Variants in LRRC28 observed in about 807,000 individuals in gnomAD.
LRRC28 encodes leucine rich repeat containing 28, also known as leucine-rich repeat-containing protein 28.
In LRRC28, 39 loss-of-function variants were observed where a neutral mutation model predicts 45.7. The ratio of observed to expected loss-of-function variants is 0.85; its 90% CI spans 0.66 to 1.12. The LOEUF is 1.12. LRRC28 is among the 50% of genes most tolerant of loss of function. The probability of loss-of-function intolerance (pLI) is 0.00; values close to 1 mark genes in which losing one functional copy is unlikely to be tolerated. For missense variants in LRRC28, 435 were observed against 438.5 expected (o/e 0.99, Z 0.07); for synonymous variants, 206 against 178.8 (o/e 1.15, Z -1.22).
At chr15:99,382,560 T>TA (rs1957861576) in intron 9 of LRRC28, among the ~76,000 whole-genome samples, 2 of 152,264 alleles carry the variant, frequency 1.3e-5, no homozygotes, top group Admixed American at 1.3e-4. Context: ...AGCTATCTTT[T>TA]ATTGATTTCT....
intron 9 of LRRC28, among the ~76,000 whole-genome samples, chr15:99,378,660 G>A (rs1957719484): frequency 6.6e-6 from 1 of 152,170 alleles, no homozygotes; most frequent in African/African-American, 2.4e-5. Context: ...CATTCAGTAT[G>A]ATATTGGCTG....
At chr15:99,284,907 T>C in intron 3 of LRRC28, 2 of 591,572 alleles carry the variant, frequency 3.4e-6, no homozygotes, top group East Asian at 3.9e-5. Context: ...AAACCCATCA[T>C]GACTGCTGAA....
chr15:99,265,030 C>T (rs530503858), intron 2 of LRRC28, among the ~76,000 whole-genome samples: 7 of 152,244 alleles, frequency 4.6e-5, no homozygotes, highest in Non-Finnish European at 8.8e-5. Context: ...CCAGGTCAGA[C>T]CATCTGCTTG....
chr15:99,329,935 G>T (rs907385897), intron 5 of LRRC28, among the ~76,000 whole-genome samples: 1 of 152,088 alleles, frequency 6.6e-6, no homozygotes, highest in Non-Finnish European at 1.5e-5. Context: ...ATGCACCTAT[G>T]ATTAATATAT....
intron 2 of LRRC28, among the ~76,000 whole-genome samples, chr15:99,261,072 C>T (rs1245679223): frequency 1.3e-5 from 2 of 152,150 alleles, no homozygotes; most frequent in Non-Finnish European, 2.9e-5. Flanking sequence ...TACTCTTCTC[C>T]CTTTTGCCCC....
At chr15:99,286,267 A>G (rs910085700) in intron 3 of LRRC28, among the ~76,000 whole-genome samples, 15 of 152,150 alleles carry the variant, frequency 9.9e-5, no homozygotes, top group African/African-American at 3.4e-4. Context: ...AGTAGCTGGG[A>G]CTACAGATGC....
chr15:99,352,717 A>G (rs890323400), intron 7 of LRRC28, among the ~76,000 whole-genome samples: 1 of 152,098 alleles, frequency 6.6e-6, no homozygotes, highest in African/African-American at 2.4e-5. Flanking sequence ...ATTTCCCCCC[A>G]CACACCCCAG....
intron 6 of LRRC28, among the ~76,000 whole-genome samples, chr15:99,340,093 G>A (rs991337367): frequency 2.6e-5 from 4 of 152,374 alleles, no homozygotes; most frequent in South Asian, 2.1e-4. Context: ...ATGTTTTAGC[G>A]TGATTCTACC....
chr15:99,318,218 C>T lies in LRRC28; in HGVS notation c.386-15705C>T, dbSNP rs533057390. Among the ~76,000 whole-genome samples the T allele has an allele frequency of 1.2e-3, 189 of 152,160 alleles. 3 individuals carry two copies. Among genetic ancestry groups the T allele is most frequent in the South Asian group, 4.3e-3 (21 of 4,832 alleles). On this transcript the variant is annotated intron_variant, in intron 5 of 9. Coordinates refer to ENST00000301981, the MANE Select transcript of LRRC28 (RefSeq NM_144598.5). ...TTTGCATAAAAGCATTATATATACA[C>T]GTTTATTAAATTTTTGTTTTCTGTT...
intron 7 of LRRC28, among the ~76,000 whole-genome samples, chr15:99,354,931 G>A (rs576318817): frequency 3.2e-4 from 48 of 152,282 alleles, no homozygotes; most frequent in Non-Finnish European, 5.4e-4. Flanking sequence ...AGCAACAACT[G>A]AGCAAAATGA....
chr15:99,275,697 TC>T (rs1360546968), intron 2 of LRRC28, among the ~76,000 whole-genome samples: 1 of 152,210 alleles, frequency 6.6e-6, no homozygotes, highest in African/African-American at 2.4e-5. Context: ...TCCTTGAGTT[TC>T]TCCTTGCTGG....
At chr15:99,340,166 C>G (rs80193856) in intron 6 of LRRC28, among the ~76,000 whole-genome samples, 4,561 of 152,272 alleles carry the variant, frequency 0.03, 205 homozygotes, top group African/African-American at 0.1. Context: ...TATCACATAA[C>G]AGGAGAACAC....
At chr15:99,381,667 C>G (rs1957828650) in intron 9 of LRRC28, among the ~76,000 whole-genome samples, 1 of 152,200 alleles carries the variant, frequency 6.6e-6, no homozygotes, top group South Asian at 2.1e-4. Flanking sequence ...GTGGTTTTAT[C>G]TACCTTTGGT....
intron 2 of LRRC28, among the ~76,000 whole-genome samples, chr15:99,265,944 A>T: frequency 6.6e-6 from 1 of 152,224 alleles, no homozygotes; most frequent in Non-Finnish European, 1.5e-5. Context: ...TAACTTGCCC[A>T]AATACTGATA....
chr15:99,382,853 A>T lies in LRRC28; in HGVS notation c.1032-3177A>T, dbSNP rs184130772. ...TATTCAGTTTTTCTATACTTATACT[A>T]ATTTTCTATCTAGTATATCAGTTGC... On this transcript the variant is annotated intron_variant, in intron 9 of 9. Transcript: ENST00000301981. Among the ~76,000 whole-genome samples the T allele has an allele frequency of 3.9e-3, 587 of 151,924 alleles. 4 individuals are homozygous for T. Among genetic ancestry groups the T allele is most frequent in the South Asian group, 0.038 (184 of 4,804 alleles).
intron 1 of LRRC28, among the ~76,000 whole-genome samples, chr15:99,252,903 T>C (rs536698069): frequency 6.6e-6 from 1 of 152,356 alleles, no homozygotes; most frequent in East Asian, 1.9e-4. Context: ...CTGTGCTAGA[T>C]GCAGGTATGC....
At chr15:99,279,649 A>G (rs2081725611) in intron 3 of LRRC28, among the ~76,000 whole-genome samples, 2 of 152,228 alleles carry the variant, frequency 1.3e-5, no homozygotes, top group South Asian at 4.1e-4. Context: ...GAGTGGGGTT[A>G]GGACTAGAGC....
At chr15:99,278,437 G>A (rs376986403) in intron 3 of LRRC28, among the ~76,000 whole-genome samples, 3 of 152,064 alleles carry the variant, frequency 2.0e-5, no homozygotes, top group Non-Finnish European at 4.4e-5. Flanking sequence ...TAGTAGAGAC[G>A]GGGTTTCACC....
chr15:99,313,059 A>G (rs1048617504), intron 5 of LRRC28, among the ~76,000 whole-genome samples: 3 of 152,184 alleles, frequency 2.0e-5, no homozygotes, highest in African/African-American at 7.2e-5. Context: ...TTTAGGATCA[A>G]AGACACAAAT....
Sources: gnomAD v4.1 joint callset for allele counts (sites outside exome capture counted in the v4.1 genomes callset) on GRCh38, gnomAD v4.1.1 for gene constraint, MANE v1.5 for transcripts, NCBI Gene and HGNC (gene_info 2026-07-23, HGNC 2026-07-21) for gene names.